Variants in DLG2 observed in about 807,000 individuals in gnomAD.
DLG2 encodes disks large homolog 2.
In DLG2, 45 loss-of-function variants were observed where a neutral mutation model predicts 132.5. That is an observed-to-expected ratio of 0.34 (90% CI 0.27 to 0.44). The LOEUF (loss-of-function observed/expected upper bound fraction) is 0.44, where lower values mean the gene tolerates loss of function less well. Among genes scored for constraint, DLG2 ranks in the 20% least tolerant of loss-of-function variants. The pLI is 1.00. For synonymous variants in DLG2, 424 were observed against 419.6 expected, an observed-to-expected ratio of 1.01 and a Z score of -0.13; for missense variants, 1,045 against 1,196.9, an observed-to-expected ratio of 0.87 and a Z score of 1.87.
At chr11:85,081,660 G>T (rs970638719) in intron 6 of DLG2, among the ~76,000 whole-genome samples, 5 of 152,268 alleles carry the variant, frequency 3.3e-5, no homozygotes, top group Non-Finnish European at 7.3e-5. Flanking sequence ...ACTGCCCAAG[G>T]TCCAATTATG....
At chr11:83,728,348 C>T (rs1035880415) in intron 18 of DLG2, among the ~76,000 whole-genome samples, 1 of 152,228 alleles carries the variant, frequency 6.6e-6, no homozygotes, top group African/African-American at 2.4e-5. Flanking sequence ...CTAATAGCCT[C>T]TCTTCTCACC....
At chr11:84,386,159 C>G (rs2098769194) in intron 7 of DLG2, among the ~76,000 whole-genome samples, 1 of 152,030 alleles carries the variant, frequency 6.6e-6, no homozygotes, top group Non-Finnish European at 1.5e-5. Context: ...CCAGCCCAGC[C>G]AATTTTTTTA....
At chr11:85,437,321 A>T (rs2153024141) in intron 3 of DLG2, among the ~76,000 whole-genome samples, 1 of 152,100 alleles carries the variant, frequency 6.6e-6, no homozygotes, top group Non-Finnish European at 1.5e-5. Context: ...TAAAAAAAAA[A>T]ACAAAAAAAA....
At chr11:84,747,598 C>T (rs1273341365) in intron 6 of DLG2, among the ~76,000 whole-genome samples, 1 of 152,106 alleles carries the variant, frequency 6.6e-6, no homozygotes, top group Non-Finnish European at 1.5e-5. Flanking sequence ...AATAAAATGA[C>T]ATAATATGAA....
At chr11:83,976,807 CATT>C (rs2092288859) in intron 12 of DLG2, among the ~76,000 whole-genome samples, 1 of 151,760 alleles carries the variant, frequency 6.6e-6, no homozygotes, top group African/African-American at 2.4e-5. Context: ...TTTTCGAAAT[CATT>C]TTTTTTTGAG....
intron 21 of DLG2, among the ~76,000 whole-genome samples, chr11:83,516,135 T>C (rs1274293485): frequency 6.6e-6 from 1 of 152,206 alleles, no homozygotes; most frequent in Non-Finnish European, 1.5e-5. Flanking sequence ...TGTTAAAGTC[T>C]TCCATTATTA....
intron 4 of DLG2, among the ~76,000 whole-genome samples, chr11:85,204,121 C>T (rs934637516): frequency 3.9e-5 from 6 of 151,904 alleles, no homozygotes; most frequent in South Asian, 4.2e-4. Context: ...CATAAGATAC[C>T]GAACAAGATG....
intron 6 of DLG2, among the ~76,000 whole-genome samples, chr11:84,633,367 C>A (rs1345967597): frequency 2.0e-5 from 3 of 152,024 alleles, no homozygotes; most frequent in East Asian, 3.9e-4. Flanking sequence ...TTTTTTCTAA[C>A]CTGTTTCCTC....
chr11:84,180,801 C>A (rs1050226016), intron 8 of DLG2, among the ~76,000 whole-genome samples: 2 of 151,660 alleles, frequency 1.3e-5, no homozygotes, highest in South Asian at 4.2e-4. Context: ...AGAAAAAGAC[C>A]AAAGTAAAAA....
At chr11:84,375,338 A>G (rs1458604486) in intron 7 of DLG2, among the ~76,000 whole-genome samples, 1 of 152,108 alleles carries the variant, frequency 6.6e-6, no homozygotes, top group Non-Finnish European at 1.5e-5. Flanking sequence ...TAACTGCTAT[A>G]ATTATTGCGC....
intron 7 of DLG2, among the ~76,000 whole-genome samples, chr11:84,408,854 C>A (rs558558329): frequency 6.6e-6 from 1 of 152,254 alleles, no homozygotes; most frequent in African/African-American, 2.4e-5. Context: ...TGTCTTAGTT[C>A]AGGGCCGCCT....
chr11:83,553,694 T>C lies in DLG2; in HGVS notation c.1941-11836A>G, dbSNP rs576550194. On this transcript the variant is annotated intron_variant, in intron 19 of 27. Coordinates refer to ENST00000376104, the MANE Select transcript of DLG2 (RefSeq NM_001142699.3). The stretch of plus-strand genomic sequence containing the variant: ...GAAACACTGTGCTGCAGTCTGACTT[T>C]CACCCAGTAAGGTTCTGTTCAGTAG... Among the ~76,000 whole-genome samples the C allele has an allele frequency of 1.8e-3, 274 of 152,252 alleles. 1 individual carries two copies. The highest frequency in any genetic ancestry group is 2.9e-3 in the Non-Finnish European group (196 of 68,018).
intron 6 of DLG2, among the ~76,000 whole-genome samples, chr11:84,700,845 G>C (rs553573451): frequency 2.0e-5 from 3 of 151,638 alleles, no homozygotes; most frequent in South Asian, 4.2e-4. Flanking sequence ...TTGGTTTCTG[G>C]CTACCCTGAC....
intron 5 of DLG2, among the ~76,000 whole-genome samples, chr11:85,141,937 A>G (rs1192234919): frequency 2.6e-5 from 4 of 151,838 alleles, no homozygotes; most frequent in African/African-American, 7.2e-5. Flanking sequence ...TTCCAATACC[A>G]TACTGGTTTG....
At chr11:84,293,155 T>C (rs951220685) in intron 7 of DLG2, among the ~76,000 whole-genome samples, 1 of 151,208 alleles carries the variant, frequency 6.6e-6, no homozygotes, top group African/African-American at 2.4e-5. Flanking sequence ...GGTGTGGGGG[T>C]GTGGGGCGGG....
chr11:84,349,893 C>T (rs1397031471), intron 7 of DLG2, among the ~76,000 whole-genome samples: 1 of 151,782 alleles, frequency 6.6e-6, no homozygotes, highest in Admixed American at 6.6e-5. Context: ...AAAATCCAGG[C>T]TAGGCCGGGC....
intron 4 of DLG2, among the ~76,000 whole-genome samples, chr11:85,166,640 A>G (rs955271978): frequency 3.3e-5 from 5 of 152,130 alleles, no homozygotes; most frequent in Non-Finnish European, 7.4e-5. Context: ...AACAACCTAG[A>G]ATATAAAAAA....
At chr11:84,287,118 G>A (rs967493399) in intron 7 of DLG2, among the ~76,000 whole-genome samples, 1 of 152,044 alleles carries the variant, frequency 6.6e-6, no homozygotes, top group Non-Finnish European at 1.5e-5. Flanking sequence ...AATAATAATT[G>A]TTACCTATTA....
intron 6 of DLG2, among the ~76,000 whole-genome samples, chr11:84,683,308 C>G (rs1008287844): frequency 2.0e-5 from 3 of 152,182 alleles, no homozygotes; most frequent in African/African-American, 7.2e-5. Context: ...ATTCTCCAGA[C>G]TTACTCTCCT....
Sources: allele counts gnomAD v4.1 joint callset (sites outside exome capture counted in the v4.1 genomes callset), GRCh38; gene constraint gnomAD v4.1.1; transcripts MANE v1.5; gene names NCBI Gene and HGNC (gene_info 2026-07-23, HGNC 2026-07-21).